CPNE4: variants seen among roughly 807,000 people sequenced by gnomAD.
The protein encoded by CPNE4 is copine-4.
In CPNE4, 25 loss-of-function variants were observed where a neutral mutation model predicts 67.9. The observed-to-expected ratio is 0.37, with a 90% confidence interval of 0.27 to 0.51. The LOEUF is 0.51. Among genes scored for constraint, CPNE4 ranks in the 20% least tolerant of loss-of-function variants. The pLI is 0.93. For missense variants in CPNE4, 464 were observed against 690.8 expected, an observed-to-expected ratio of 0.67 and a Z score of 3.68; for synonymous variants, 242 against 244.9, an observed-to-expected ratio of 0.99 and a Z score of 0.11.
Position 131,908,938 on chromosome 3 carries a change from G to A in CPNE4, c.-1-3494C>T, listed in dbSNP as rs148506260. ...ATTACCACAATACCAGGTATATTGT[G>A]GATGCTCTGATAGTGGTAGCTATTG... On this transcript the variant is annotated intron_variant, in intron 1 of 15. Transcript: ENST00000429747. 5.0e-3 allele frequency among the ~76,000 whole-genome samples: 761 copies of A among 152,190 alleles called. 6 individuals carry two copies. The highest frequency in any genetic ancestry group is 0.017 in the African/African-American group (691 of 41,538).
chr3:131,567,077 A>C (rs980293292), intron 10 of CPNE4, among the ~76,000 whole-genome samples: 33 of 152,062 alleles, frequency 2.2e-4, no homozygotes, highest in African/African-American at 7.9e-4. Flanking sequence ...GCCTCTTGAT[A>C]CTAAAGCTAA....
At chr3:131,564,186 T>C in intron 11 of CPNE4, 30 bp downstream of exon 11, 1 of 1,611,886 alleles carries the variant, frequency 6.2e-7, no homozygotes, top group Non-Finnish European at 8.5e-7. Context: ...TGAGAGATGA[T>C]AAGGCTCCAA....
chr3:131,565,811 G>C (rs993183667), intron 10 of CPNE4, among the ~76,000 whole-genome samples: 3 of 128,696 alleles, frequency 2.3e-5, no homozygotes, highest in Non-Finnish European at 4.7e-5. Context: ...CTAGTACTAA[G>C]AGTATGTAAA....
chr3:132,010,447 G>A lies in CPNE4; in HGVS notation c.-2+24120C>T, dbSNP rs1025551861. 2.0e-3 allele frequency among the ~76,000 whole-genome samples: 300 copies of A among 151,912 alleles called. 1 individual carries two copies. Among genetic ancestry groups the A allele is most frequent in the Non-Finnish European group, 3.7e-3 (252 of 67,966 alleles). ...ACAGAAATCTCAAGAATGCTGAGTC[G>A]TGGCCTCTTTCTTTAGAGGGTTCCT... On this transcript the variant is annotated intron_variant, in intron 1 of 15. Transcript: ENST00000429747.
At chr3:131,940,042 T>C (rs963251627) in intron 1 of CPNE4, among the ~76,000 whole-genome samples, 1 of 152,250 alleles carries the variant, frequency 6.6e-6, no homozygotes, top group East Asian at 1.9e-4. Context: ...GTGTTACCTG[T>C]TTGTGTGCAT....
chr3:131,544,361 G>GTT (rs1421160242), intron 14 of CPNE4, among the ~76,000 whole-genome samples: 1 of 152,120 alleles, frequency 6.6e-6, no homozygotes, highest in African/African-American at 2.4e-5. Context: ...CTGAAAAAAT[G>GTT]TTTTAAATGA....
intron 3 of CPNE4, among the ~76,000 whole-genome samples, chr3:131,709,496 T>A (rs776171581): frequency 3.3e-5 from 5 of 152,208 alleles, no homozygotes; most frequent in Non-Finnish European, 7.3e-5. Context: ...GCTTTGCAGA[T>A]GTTGTTTCTC....
At chr3:131,641,318 A>T (rs1404517419) in intron 7 of CPNE4, among the ~76,000 whole-genome samples, 2 of 152,118 alleles carry the variant, frequency 1.3e-5, no homozygotes, top group East Asian at 3.8e-4. Context: ...CAAATCAGCA[A>T]GAAAAAAAAA....
intron 14 of CPNE4, among the ~76,000 whole-genome samples, chr3:131,544,569 T>G (rs1935710264): frequency 6.6e-6 from 1 of 152,218 alleles, no homozygotes; most frequent in African/African-American, 2.4e-5. Context: ...ATGTCTGTAT[T>G]TTCTGAGTTG....
rs937682798 is a variant in CPNE4 at position 131,891,210 on chromosome 3, A to G, written c.180+14054T>C. On this transcript the variant is annotated intron_variant, in intron 2 of 15. Coordinates refer to ENST00000429747, the MANE Select transcript of CPNE4 (RefSeq NM_130808.3). Reference sequence around the variant, plus strand: ...GATACCAGTATGAGTGCCCACACATATCCAAACTTGCCAAATTGTATACAT... The same window carrying G: ...GATACCAGTATGAGTGCCCACACATGTCCAAACTTGCCAAATTGTATACAT... Among the ~76,000 whole-genome samples the G allele has an allele frequency of 5.9e-5, 9 of 152,130 alleles. No homozygotes were observed. The South Asian group carries it at 1.9e-3, about 31-fold the overall frequency.
intron 2 of CPNE4, among the ~76,000 whole-genome samples, chr3:131,728,980 A>G (rs558832811): frequency 2.0e-5 from 3 of 152,016 alleles, no homozygotes; most frequent in African/African-American, 4.8e-5. Flanking sequence ...CTATTTGTAC[A>G]ATGGCCATCT....
At chr3:131,637,382 G>C (rs2079417472) in intron 7 of CPNE4, among the ~76,000 whole-genome samples, 1 of 152,170 alleles carries the variant, frequency 6.6e-6, no homozygotes, top group Admixed American at 6.5e-5. Flanking sequence ...GAAATACTTA[G>C]AGTAATGCAA....
intron 1 of CPNE4, among the ~76,000 whole-genome samples, chr3:131,962,583 TCAA>T (rs1330063059): frequency 6.6e-6 from 1 of 152,232 alleles, no homozygotes; most frequent in Non-Finnish European, 1.5e-5. Context: ...TTCCATTCAT[TCAA>T]CAACATTTAT....
At chr3:131,614,578 C>T (rs534646045) in intron 7 of CPNE4, among the ~76,000 whole-genome samples, 38 of 152,158 alleles carry the variant, frequency 2.5e-4, no homozygotes, top group African/African-American at 8.7e-4. Context: ...TGTAGGGAGT[C>T]GTTTTTGAAG....
At chr3:131,589,736 TC>T (rs1218801339) in intron 7 of CPNE4, among the ~76,000 whole-genome samples, 1 of 152,248 alleles carries the variant, frequency 6.6e-6, no homozygotes, top group Non-Finnish European at 1.5e-5. Flanking sequence ...TTTCTCAGCT[TC>T]TGCTATCTCT....
intron 7 of CPNE4, among the ~76,000 whole-genome samples, chr3:131,633,349 C>T (rs944624119): frequency 6.6e-6 from 1 of 151,980 alleles, no homozygotes; most frequent in Non-Finnish European, 1.5e-5. Flanking sequence ...ATTATAGGTA[C>T]CCATTGTAAG....
At chr3:131,918,721 T>C (rs1193250882) in intron 1 of CPNE4, among the ~76,000 whole-genome samples, 1 of 152,162 alleles carries the variant, frequency 6.6e-6, no homozygotes, top group African/African-American at 2.4e-5. Flanking sequence ...AAAACAGTTT[T>C]TTTGTAACAG....
intron 2 of CPNE4, among the ~76,000 whole-genome samples, chr3:131,802,008 A>G (rs1234563868): frequency 6.6e-6 from 1 of 151,990 alleles, no homozygotes; most frequent in Non-Finnish European, 1.5e-5. Flanking sequence ...AGTTCAGGGG[A>G]AAGATAAATT....
intron 2 of CPNE4, among the ~76,000 whole-genome samples, chr3:131,885,378 T>C (rs1166459120): frequency 2.6e-5 from 4 of 151,714 alleles, no homozygotes; most frequent in African/African-American, 9.7e-5. Flanking sequence ...ATTTTAAGGT[T>C]ATAAAAATTA....
Sources: allele counts gnomAD v4.1 joint callset (sites outside exome capture counted in the v4.1 genomes callset), GRCh38; gene constraint gnomAD v4.1.1; transcripts MANE v1.5; gene names NCBI Gene and HGNC (gene_info 2026-07-23, HGNC 2026-07-21).